Variants in SLC14A2 observed in about 807,000 individuals in gnomAD.
SLC14A2 encodes solute carrier family 14 member 2, also known as urea transporter 2.
In SLC14A2, 91 loss-of-function variants were observed where a neutral mutation model predicts 104.6. That is an observed-to-expected ratio of 0.87 (90% CI 0.73 to 1.04). SLC14A2 has a LOEUF of 1.04. Among genes scored for constraint, SLC14A2 ranks in the 50% least tolerant of loss-of-function variants. SLC14A2 has a pLI of 0.00. For synonymous variants in SLC14A2, 476 were observed against 466.4 expected (o/e 1.02, Z -0.27); for missense variants, 1,189 against 1,156.0 (o/e 1.03, Z -0.41).
At chr18:45,509,298 A>ATC (rs900634065) in intron 2 of SLC14A2, among the ~76,000 whole-genome samples, 12 of 151,418 alleles carry the variant, frequency 7.9e-5, no homozygotes, top group Middle Eastern at 3.4e-3. Context: ...ATATATATAT[A>ATC]TCTCTCTCTC....
At chr18:45,635,856 T>C (rs2045409636) in intron 5 of SLC14A2, among the ~76,000 whole-genome samples, 1 of 152,104 alleles carries the variant, frequency 6.6e-6, no homozygotes. Context: ...CTGAGGCAGA[T>C]TAGATCCAAA....
chr18:45,626,866 A>G (rs75852143), intron 3 of SLC14A2, 92 bp from the exon 4 acceptor site: 3 of 948,300 alleles, frequency 3.2e-6, no homozygotes, highest in Non-Finnish European at 4.7e-6. Flanking sequence ...TGGCTTGCAC[A>G]TTCCTGTTTG....
intron 1 of SLC14A2, among the ~76,000 whole-genome samples, chr18:45,284,133 C>T (rs894377744): frequency 1.5e-4 from 23 of 152,294 alleles, no homozygotes; most frequent in African/African-American, 4.8e-4. Context: ...TGTTTCATGG[C>T]TTGCATTATA....
chr18:45,432,160 C>G (rs1451864876), intron 1 of SLC14A2, among the ~76,000 whole-genome samples: 1 of 152,110 alleles, frequency 6.6e-6, no homozygotes, highest in Admixed American at 6.5e-5. Context: ...ATTTTTCCAT[C>G]TTTTATAATA....
At chr18:45,640,674 T>A (rs982582840) in intron 7 of SLC14A2, among the ~76,000 whole-genome samples, 2 of 152,288 alleles carry the variant, frequency 1.3e-5, no homozygotes, top group Admixed American at 1.3e-4. Context: ...GTATTTTTTA[T>A]TTGGAAATAG....
intron 2 of SLC14A2, among the ~76,000 whole-genome samples, chr18:45,512,398 A>C (rs890307260): frequency 6.6e-6 from 1 of 152,210 alleles, no homozygotes. Context: ...TTACACTGCC[A>C]TACCCAGAAA....
At chr18:45,662,482 A>T (rs547279474) in intron 10 of SLC14A2, among the ~76,000 whole-genome samples, 6 of 152,270 alleles carry the variant, frequency 3.9e-5, no homozygotes, top group African/African-American at 1.4e-4. Flanking sequence ...ATCTTGTTAA[A>T]AGCCAATTCA....
upstream of SLC14A2, among the ~76,000 whole-genome samples, chr18:45,208,214 A>G (rs534771738): frequency 3.3e-5 from 5 of 152,264 alleles, no homozygotes; most frequent in Non-Finnish European, 5.9e-5. Flanking sequence ...TTGGAGATCT[A>G]GAATTGCAAT....
chr18:45,597,112 G>C (rs1433862225), intron 2 of SLC14A2, among the ~76,000 whole-genome samples: 1 of 152,230 alleles, frequency 6.6e-6, no homozygotes, highest in Non-Finnish European at 1.5e-5. Flanking sequence ...GAGGTCAGGA[G>C]TTCGAGACCA....
At chr18:45,209,732 T>C (rs1467177877), upstream of SLC14A2, among the ~76,000 whole-genome samples, 1 of 152,126 alleles carries the variant, frequency 6.6e-6, no homozygotes, top group Non-Finnish European at 1.5e-5. Flanking sequence ...ATTAAGAAGA[T>C]AAAAAGAGAC....
At chr18:45,617,206 C>T (rs2045088079) in intron 1 of SLC14A2, among the ~76,000 whole-genome samples, 1 of 152,174 alleles carries the variant, frequency 6.6e-6, no homozygotes, top group Non-Finnish European at 1.5e-5. Flanking sequence ...CTGCTCTCTC[C>T]CCCACCTCAT....
chr18:45,414,760 ATATATATATATATATATATATATAT>A (rs2086256636), intron 1 of SLC14A2, among the ~76,000 whole-genome samples: 9 of 55,290 alleles, frequency 1.6e-4, no homozygotes, highest in African/African-American at 2.8e-4. Flanking sequence ...AAAAAAAAAT[ATATATATATATATATATATATATAT>A]ATATATATAT....
At chr18:45,368,616 G>A (rs1024290689) in intron 1 of SLC14A2, among the ~76,000 whole-genome samples, 9 of 152,156 alleles carry the variant, frequency 5.9e-5, no homozygotes, top group South Asian at 2.1e-4. Context: ...ATGAAACTTC[G>A]CAAATGTCAA....
intron 1 of SLC14A2, among the ~76,000 whole-genome samples, chr18:45,284,668 C>A (rs915667651): frequency 1.3e-5 from 2 of 152,200 alleles, no homozygotes; most frequent in African/African-American, 4.8e-5. Flanking sequence ...CAGATTCCCT[C>A]TGTTTCTTTT....
At chr18:45,678,475 C>T (rs1015019232) in intron 18 of SLC14A2, among the ~76,000 whole-genome samples, 15 of 152,208 alleles carry the variant, frequency 9.9e-5, no homozygotes, top group Admixed American at 3.9e-4. Flanking sequence ...CAGCACTGGG[C>T]TCATTCCCAG....
intron 2 of SLC14A2, among the ~76,000 whole-genome samples, chr18:45,560,091 A>G (rs568634111): frequency 6.6e-6 from 1 of 152,160 alleles, no homozygotes. Context: ...TCACTGCTTC[A>G]TCGTCATCTG....
At chr18:45,200,429 TG>T in the SLC14A2 span, among the ~76,000 whole-genome samples, 1 of 152,214 alleles carries the variant, frequency 6.6e-6, no homozygotes, top group Admixed American at 6.5e-5. Flanking sequence ...GGCAAATAAA[TG>T]TGAAAGTATT....
chr18:45,185,573 A>G, the SLC14A2 span, among the ~76,000 whole-genome samples: 57 of 152,318 alleles, frequency 3.7e-4, no homozygotes, highest in Non-Finnish European at 2.9e-4. Flanking sequence ...TTATCTCTCT[A>G]AAGTTAGGAA....
At position 45,372,591 on chromosome 18, in the gene SLC14A2, T is replaced by A. The variant is rs148817196; in HGVS notation, c.-124-110642T>A. Among the ~76,000 whole-genome samples the A allele has an allele frequency of 3.4e-3, 513 of 152,252 alleles. 4 individuals are homozygous for A. Among genetic ancestry groups the A allele is most frequent in the South Asian group, 0.011 (55 of 4,824 alleles). ...GTAGAGGCGAAGTCTTCTCAAACTT[T>A]CGTGTGCATACAAATCAACTGGGGT... On this transcript the variant is annotated intron_variant, in intron 1 of 20. Coordinates refer to the SLC14A2 transcript ENST00000586448.
Sources: allele counts gnomAD v4.1 joint callset (sites outside exome capture counted in the v4.1 genomes callset), GRCh38; gene constraint gnomAD v4.1.1; transcripts MANE v1.5; gene names NCBI Gene and HGNC (gene_info 2026-07-23, HGNC 2026-07-21).